The following PRKN variants were observed in gnomAD, a reference collection of about 807,000 sequenced individuals.
PRKN encodes parkin RBR E3 ubiquitin protein ligase, also known as E3 ubiquitin-protein ligase parkin.
Under a neutral mutation model 59.5 loss-of-function variants are expected in PRKN, and 56 were observed. That is an observed-to-expected ratio of 0.94 (90% CI 0.76 to 1.18). PRKN has a LOEUF of 1.18. Among genes scored for constraint, PRKN ranks in the 50% most tolerant of loss-of-function variants. The probability of loss-of-function intolerance (pLI) is 0.00; values close to 1 mark genes in which losing one functional copy is unlikely to be tolerated. For missense variants in PRKN, 657 were observed against 596.4 expected (o/e 1.10, Z -1.06); for synonymous variants, 250 against 222.1 (o/e 1.13, Z -1.12).
intron 1 of PRKN, among the ~76,000 whole-genome samples, chr6:162,492,407 C>G (rs369918727): frequency 1.3e-3 from 195 of 152,308 alleles, no homozygotes; most frequent in Non-Finnish European, 2.2e-3. Context: ...GTGCTGAGAG[C>G]CACCTCTCTT....
At position 161,360,054 on chromosome 6, in the gene PRKN, C is replaced by T. The variant is rs373937983; in HGVS notation, c.1285+34G>A. 79 of 1,449,658 alleles carry T rather than the reference C, an allele frequency of 5.4e-5. No homozygotes were observed. In the South Asian group the frequency reaches 6.3e-4, roughly 11 times the overall value. The allele number at this position is 1,449,658 out of a possible 1,614,324, so 89.8% of individuals were successfully genotyped here. A position where few individuals can be genotyped will look rare whatever the true frequency, so the allele number is the denominator to read the frequency against. ...GTATGATTCTCCCCCAAAGAGCACACGACATCCTCATTCTCTGCTCAGCAC... is the reference window on the plus strand; with the variant it reads ...GTATGATTCTCCCCCAAAGAGCACATGACATCCTCATTCTCTGCTCAGCAC... On this transcript the variant is annotated intron_variant, in intron 11 of 11. Transcript: ENST00000366898. This position sits in a 1 kb window ranked among gnomAD's most constrained non-coding sequence, Gnocchi z 5.1.
At chr6:161,961,940 C>T (rs1247202403) in intron 6 of PRKN, among the ~76,000 whole-genome samples, 1 of 152,094 alleles carries the variant, frequency 6.6e-6, no homozygotes, top group East Asian at 1.9e-4. Flanking sequence ...ACATCGAGAT[C>T]TAGAAACTCT....
At chr6:161,767,586 T>G (rs1789484828) in intron 7 of PRKN, among the ~76,000 whole-genome samples, 1 of 151,890 alleles carries the variant, frequency 6.6e-6, no homozygotes, top group Non-Finnish European at 1.5e-5. Flanking sequence ...CTGCAAGCAT[T>G]AACTATTGTA....
intron 2 of PRKN, among the ~76,000 whole-genome samples, chr6:162,423,150 C>T (rs1376612712): frequency 6.6e-6 from 1 of 152,116 alleles, no homozygotes; most frequent in Non-Finnish European, 1.5e-5. Context: ...CCCTAACCAT[C>T]CTGGGGTTAC....
intron 3 of PRKN, among the ~76,000 whole-genome samples, chr6:162,208,151 G>A (rs983685024): frequency 3.9e-5 from 6 of 152,134 alleles, no homozygotes; most frequent in Non-Finnish European, 8.8e-5. Flanking sequence ...TATTCTAAAG[G>A]AAGACAGTTA....
intron 6 of PRKN, among the ~76,000 whole-genome samples, chr6:161,845,251 G>A (rs1218707985): frequency 6.6e-6 from 1 of 152,208 alleles, no homozygotes; most frequent in African/African-American, 2.4e-5. Context: ...CCCCTGGCCA[G>A]TAGCCTCTAG....
rs554373552 is a variant in PRKN, at chr6:161,606,845, C to G, written c.872-37429G>C. Among the ~76,000 whole-genome samples the G allele has an allele frequency of 5.9e-5, 9 of 152,314 alleles. 1 individual carries two copies. In the South Asian group the frequency reaches 1.7e-3, roughly 28 times the overall value. On this transcript the variant is annotated intron_variant, in intron 7 of 11. Coordinates refer to ENST00000366898, the MANE Select transcript of PRKN (RefSeq NM_004562.3). ...AGTAAGATGACAGCATCCCACCCCC[C>G]AGCCTATGAAGCTGGCAACTTTCCC...
intron 2 of PRKN, among the ~76,000 whole-genome samples, chr6:162,399,882 A>G (rs1451058666): frequency 1.3e-5 from 2 of 152,204 alleles, no homozygotes; most frequent in Admixed American, 1.3e-4. Flanking sequence ...ACAATGAGCT[A>G]AACGGCCTGT....
intron 2 of PRKN, among the ~76,000 whole-genome samples, chr6:162,337,581 A>C (rs937954876): frequency 6.6e-6 from 1 of 152,210 alleles, no homozygotes; most frequent in African/African-American, 2.4e-5. Flanking sequence ...GTGGCTCTGC[A>C]GCTCCTGGTC....
chr6:161,799,541 A>G (rs1452366676), intron 6 of PRKN, among the ~76,000 whole-genome samples: 3 of 152,238 alleles, frequency 2.0e-5, no homozygotes, highest in African/African-American at 7.2e-5. Context: ...ATGGAAAGGA[A>G]AAGGCACAAG....
chr6:162,483,895 A>G (rs960951420), intron 1 of PRKN, among the ~76,000 whole-genome samples: 3 of 152,232 alleles, frequency 2.0e-5, no homozygotes, highest in African/African-American at 7.2e-5. Context: ...AATAGGGGAC[A>G]AGTTAAGTTA....
intron 6 of PRKN, among the ~76,000 whole-genome samples, chr6:161,935,368 C>T (rs145514082): frequency 1.5e-3 from 235 of 151,946 alleles, no homozygotes; most frequent in African/African-American, 5.3e-3. Context: ...GCCTTGGCAA[C>T]ATGGTGAAAC....
intron 4 of PRKN, among the ~76,000 whole-genome samples, chr6:162,102,072 C>T (rs745883202): frequency 2.0e-5 from 3 of 152,184 alleles, no homozygotes; most frequent in South Asian, 2.1e-4. Flanking sequence ...ATGTACAGGA[C>T]GTGCAGGTTT....
At chr6:162,371,248 G>A (rs976037314) in intron 2 of PRKN, among the ~76,000 whole-genome samples, 8 of 152,138 alleles carry the variant, frequency 5.3e-5, no homozygotes, top group Admixed American at 2.6e-4. Context: ...TCTGGGCCCC[G>A]ACCCAAATCC....
intron 6 of PRKN, among the ~76,000 whole-genome samples, chr6:161,797,123 A>T (rs1790882137): frequency 6.6e-6 from 1 of 152,244 alleles, no homozygotes; most frequent in Admixed American, 6.5e-5. Flanking sequence ...GAGTGGTTTT[A>T]AAAAGATACA....
intron 1 of PRKN, among the ~76,000 whole-genome samples, chr6:162,691,369 C>T (rs1444099156): frequency 6.6e-6 from 1 of 152,042 alleles, no homozygotes; most frequent in Non-Finnish European, 1.5e-5. Context: ...GTAGAGACAG[C>T]TACATAACAT....
At chr6:161,977,541 G>T (rs55994827) in intron 5 of PRKN, among the ~76,000 whole-genome samples, 3,404 of 98,524 alleles carry the variant, frequency 0.035, 235 homozygotes, top group East Asian at 0.072. Context: ...CTGTTTTTTT[G>T]GTTTTTTTTT....
At chr6:161,501,286 G>A (rs1389417026) in intron 9 of PRKN, among the ~76,000 whole-genome samples, 4 of 152,196 alleles carry the variant, frequency 2.6e-5, no homozygotes, top group African/African-American at 7.2e-5. Flanking sequence ...CCAGCATCTG[G>A]TGGCATCCAT....
At chr6:161,617,196 G>A (rs959350856) in intron 7 of PRKN, among the ~76,000 whole-genome samples, 3 of 152,152 alleles carry the variant, frequency 2.0e-5, no homozygotes, top group South Asian at 4.1e-4. Flanking sequence ...TGTTGGCCGC[G>A]TAAATGTCTT....
Sources: allele counts gnomAD v4.1 joint callset (sites outside exome capture counted in the v4.1 genomes callset), GRCh38; gene constraint gnomAD v4.1.1; non-coding constraint Gnocchi (gnomAD v3.1); transcripts MANE v1.5; gene names NCBI Gene and HGNC (gene_info 2026-07-23, HGNC 2026-07-21).